The following NCKAP5 variants were observed in gnomAD, a reference collection of about 807,000 sequenced individuals.
NCKAP5 encodes the protein NCK associated protein 5.
NCKAP5 carries 92 observed loss-of-function variants against 167.0 expected under a neutral mutation model. The observed-to-expected ratio is 0.55, with a 90% CI of 0.47 to 0.66. The LOEUF is 0.66. Among genes scored for constraint, NCKAP5 ranks in the 30% least tolerant of loss-of-function variants. The pLI is 0.00. For synonymous variants in NCKAP5, 891 were observed against 877.4 expected (o/e 1.02, Z -0.27); for missense variants, 2,378 against 2,315.0 (o/e 1.03, Z -0.56).
intron 3 of NCKAP5, among the ~76,000 whole-genome samples, chr2:133,357,050 C>A (rs754373994): frequency 6.6e-6 from 1 of 152,148 alleles, no homozygotes; most frequent in Non-Finnish European, 1.5e-5. Flanking sequence ...TGAAGTATGT[C>A]ATCTCTGCTA....
At chr2:133,176,091 C>T (rs963465807) in intron 5 of NCKAP5, among the ~76,000 whole-genome samples, 2 of 152,172 alleles carry the variant, frequency 1.3e-5, no homozygotes, top group Non-Finnish European at 2.9e-5. Flanking sequence ...GTGGAGACCG[C>T]ATATCCAGCA....
intron 5 of NCKAP5, among the ~76,000 whole-genome samples, chr2:133,201,758 T>G (rs1164043069): frequency 1.3e-5 from 2 of 152,116 alleles, no homozygotes; most frequent in Non-Finnish European, 2.9e-5. Context: ...TGTCCTATGC[T>G]TCTCCGCCTC....
chr2:132,783,816 C>T lies in NCKAP5; in HGVS notation c.2995G>A (p.Ala999Thr). Residue 999 changes from alanine (A) to threonine (T), a missense_variant, in exon 14 of 20, where the codon GCC (alanine) becomes ACC (threonine). By Grantham distance (58) the Ala-to-Thr change is moderately conservative. This residue lies in a region of NCKAP5 where 1,325 missense variants were observed against 1,274.5 expected (regional missense o/e 1.04). Coordinates refer to ENST00000409261, the MANE Select transcript of NCKAP5 (RefSeq NM_207363.3). ...TGAGTGAAGATAGGCTTTTTGAAGG[C>T]CACAGAAGGTTTCTTCCTCTGCACT... ...TEVQRKKPSV[A>T]FKKPIFTHPM... 6.5e-7 allele frequency: 1 copy of T among 1,534,324 alleles called. No individual in the cohort carries two copies. The highest frequency in any genetic ancestry group is 8.8e-7 in the Non-Finnish European group (1 of 1,142,750).
rs778676146 is a variant in NCKAP5, at chr2:132,731,864, T to C, written c.5316A>G (p.Glu1772=). 3 of 1,613,936 alleles carry C rather than the reference T, an allele frequency of 1.9e-6. No individual in the cohort carries two copies. Among genetic ancestry groups the C allele is most frequent in the Non-Finnish European group, 2.5e-6 (3 of 1,179,896 alleles). The change falls in exon 17 of 20, where the codon GAA becomes GAG. Residue 1772 remains glutamate (E), a synonymous_variant. Coordinates refer to ENST00000409261, the MANE Select transcript of NCKAP5 (RefSeq NM_207363.3). The stretch of plus-strand genomic sequence containing the variant: ...GCTGGCCGTCTGTGGAGGAAGGCAC[T>C]TCACGTTCAAGGGTTTGGGCTCTCA... ...SSMRAQTLER[E]VPSSTDGQRP... is the part of the protein sequence containing the mutation.
intron 5 of NCKAP5, among the ~76,000 whole-genome samples, chr2:133,175,504 G>C (rs1220040228): frequency 6.6e-6 from 1 of 152,112 alleles, no homozygotes; most frequent in Non-Finnish European, 1.5e-5. Flanking sequence ...TTCATGTACT[G>C]TTCTTCACAG....
chr2:132,722,775 G>A (rs1168406790), intron 19 of NCKAP5, among the ~76,000 whole-genome samples: 1 of 152,056 alleles, frequency 6.6e-6, no homozygotes, highest in Non-Finnish European at 1.5e-5. Context: ...TTGACCCTAC[G>A]TTTTTTCCAG....
At chr2:132,897,182 T>A (rs1168669677) in intron 8 of NCKAP5, among the ~76,000 whole-genome samples, 2 of 152,166 alleles carry the variant, frequency 1.3e-5, no homozygotes, top group Admixed American at 1.3e-4. Context: ...CATGAGAGGG[T>A]CAGCAAACCT....
intron 4 of NCKAP5, among the ~76,000 whole-genome samples, chr2:133,283,552 C>T (rs927114260): frequency 1.3e-5 from 2 of 151,830 alleles, no homozygotes; most frequent in Non-Finnish European, 2.9e-5. Flanking sequence ...GTAAGCGCTA[C>T]AGTTCACATT....
intron 3 of NCKAP5, among the ~76,000 whole-genome samples, chr2:133,349,116 T>C (rs1255706923): frequency 6.6e-6 from 1 of 152,220 alleles, no homozygotes; most frequent in African/African-American, 2.4e-5. Flanking sequence ...GTTTTTTCTC[T>C]GCCCACAAAA....
intron 11 of NCKAP5, among the ~76,000 whole-genome samples, chr2:132,856,375 C>G (rs1280242312): frequency 1.3e-5 from 2 of 151,450 alleles, no homozygotes; most frequent in African/African-American, 4.9e-5. Context: ...AAAGCCCTCT[C>G]ATCTTACTGG....
chr2:133,432,033 T>C (rs1690192719), intron 3 of NCKAP5, among the ~76,000 whole-genome samples: 1 of 152,174 alleles, frequency 6.6e-6, no homozygotes, highest in South Asian at 2.1e-4. Flanking sequence ...AAATACCAAA[T>C]CATGGAATTG....
chr2:133,587,134 C>T, the NCKAP5 span, among the ~76,000 whole-genome samples: 1 of 152,118 alleles, frequency 6.6e-6, no homozygotes, highest in African/African-American at 2.4e-5. Context: ...AGGCTGGCAC[C>T]ATTTTCACTA....
intron 3 of NCKAP5, among the ~76,000 whole-genome samples, chr2:133,479,628 G>A (rs980177477): frequency 2.0e-5 from 3 of 152,152 alleles, no homozygotes; most frequent in Non-Finnish European, 4.4e-5. Context: ...TGTACAAACA[G>A]TATGTATCAA....
chr2:133,084,745 A>G (rs1475020071), intron 6 of NCKAP5, among the ~76,000 whole-genome samples: 1 of 152,188 alleles, frequency 6.6e-6, no homozygotes, highest in Non-Finnish European at 1.5e-5. Flanking sequence ...TACAGCCACC[A>G]TTCATGACCT....
chr2:132,681,105 A>G (rs577883895), intron 19 of NCKAP5, among the ~76,000 whole-genome samples: 1 of 152,118 alleles, frequency 6.6e-6, no homozygotes, highest in South Asian at 2.1e-4. Flanking sequence ...TAAATGGAAC[A>G]TGTTTCTCGG....
chr2:133,596,213 C>G, the NCKAP5 span: 5 of 157,374 alleles, frequency 3.2e-5, no homozygotes, highest in African/African-American at 1.2e-4. Flanking sequence ...GCGTCCCTCC[C>G]AAAGCTGTGT....
At chr2:132,716,444 T>C (rs980258018) in intron 19 of NCKAP5, among the ~76,000 whole-genome samples, 2 of 152,240 alleles carry the variant, frequency 1.3e-5, no homozygotes, top group African/African-American at 4.8e-5. Flanking sequence ...CAAAGCCTGC[T>C]AATTTGCACA....
At position 133,485,494 on chromosome 2, in the gene NCKAP5, T is replaced by C. The variant is rs578109988; in HGVS notation, c.69+31964A>G. Among the ~76,000 whole-genome samples, 4 of 152,324 alleles carry C rather than the reference T, an allele frequency of 2.6e-5. No individual in the cohort carries two copies. The East Asian group carries it at 5.8e-4, about 22-fold the overall frequency. ...ACTATATATCTTCCAAGAAAACTAA[T>C]AGGGTCTCCAAACTTTAGAGTCTAA... is the stretch of plus-strand genomic sequence containing the variant. On this transcript the variant is annotated intron_variant, in intron 3 of 19. Transcript: ENST00000409261.
chr2:133,388,978 G>A (rs762258575), intron 3 of NCKAP5, among the ~76,000 whole-genome samples: 38 of 152,178 alleles, frequency 2.5e-4, no homozygotes, highest in African/African-American at 8.0e-4. Flanking sequence ...GACCCTTTGC[G>A]CTTCCCAGGT....
Sources: allele counts gnomAD v4.1 joint callset (sites outside exome capture counted in the v4.1 genomes callset), GRCh38; gene constraint gnomAD v4.1.1; regional missense constraint gnomAD v4.1.1; transcripts MANE v1.5; gene names NCBI Gene and HGNC (gene_info 2026-07-23, HGNC 2026-07-21).